Variants in HIP1 observed in about 807,000 individuals in gnomAD.
HIP1 encodes huntingtin interacting protein 1, also known as huntingtin-interacting protein 1.
HIP1 carries 65 observed loss-of-function variants against 147.6 expected under a neutral mutation model. The observed-to-expected ratio is 0.44, with a 90% CI of 0.36 to 0.54. HIP1 has a LOEUF of 0.54. Among genes scored for constraint, HIP1 ranks in the 20% least tolerant of loss-of-function variants. The pLI is 0.00. For missense variants in HIP1, 1,061 were observed against 1,299.6 expected, an observed-to-expected ratio of 0.82 and a Z score of 2.82; for synonymous variants, 479 against 504.0, an observed-to-expected ratio of 0.95 and a Z score of 0.67.
intron 1 of HIP1, among the ~76,000 whole-genome samples, chr7:75,641,686 G>C (rs1442366240): frequency 1.3e-5 from 2 of 150,772 alleles, no homozygotes; most frequent in African/African-American, 4.9e-5. Context: ...TAGTAGAGAC[G>C]GGGTTTCTCC....
At position 75,670,402 on chromosome 7, in the gene HIP1, G is replaced by T. The variant is rs573146090; in HGVS notation, c.120+68399C>A. Among the ~76,000 whole-genome samples, 315 of 150,218 alleles carry T rather than the reference G, an allele frequency of 2.1e-3. 1 individual carries two copies. The highest frequency in any genetic ancestry group is 7.2e-3 in the African/African-American group (295 of 40,838). Reference sequence around the variant, plus strand: ...AAACTCCTGAGCTCATGCTATATCTGCCTGCCTCAGCCTCATAAAGTGCTG... The same window carrying T: ...AAACTCCTGAGCTCATGCTATATCTTCCTGCCTCAGCCTCATAAAGTGCTG... On this transcript the variant is annotated intron_variant, in intron 1 of 30. Coordinates refer to ENST00000336926, the MANE Select transcript of HIP1 (RefSeq NM_005338.7).
intron 1 of HIP1, among the ~76,000 whole-genome samples, chr7:75,688,810 G>A (rs1359512725): frequency 5.9e-5 from 9 of 152,140 alleles, no homozygotes; most frequent in Non-Finnish European, 8.8e-5. Flanking sequence ...CCGTGGCCCC[G>A]GCGTGTCCCT....
At chr7:75,577,926 G>C (rs2116908624) in intron 7 of HIP1, among the ~76,000 whole-genome samples, 1 of 152,268 alleles carries the variant, frequency 6.6e-6, no homozygotes, top group African/African-American at 2.4e-5. Context: ...CTTGAGCCTG[G>C]GAGGCGGAGG....
chr7:75,666,628 T>C (rs11773359), intron 1 of HIP1, among the ~76,000 whole-genome samples: 1 of 152,104 alleles, frequency 6.6e-6, no homozygotes, highest in Admixed American at 6.6e-5. Context: ...GGACCCAAGG[T>C]TAGATAGAGC....
chr7:75,729,112 A>G (rs1340893170), intron 1 of HIP1, among the ~76,000 whole-genome samples: 26 of 151,250 alleles, frequency 1.7e-4, no homozygotes, highest in Non-Finnish European at 3.4e-4. Flanking sequence ...AACAGAAGAA[A>G]AAAAAAAACC....
At chr7:75,653,336 T>C (rs1799050944) in intron 1 of HIP1, among the ~76,000 whole-genome samples, 1 of 152,110 alleles carries the variant, frequency 6.6e-6, no homozygotes, top group Non-Finnish European at 1.5e-5. Context: ...TTACTCTCTG[T>C]GGACCTCAGT....
intron 1 of HIP1, among the ~76,000 whole-genome samples, chr7:75,727,162 G>A (rs1375528159): frequency 2.0e-5 from 3 of 152,128 alleles, no homozygotes; most frequent in East Asian, 1.9e-4. Flanking sequence ...CCAGGCTGGA[G>A]TGTAGTGGTG....
At chr7:75,627,639 G>A (rs1208921483) in intron 1 of HIP1, among the ~76,000 whole-genome samples, 1 of 152,146 alleles carries the variant, frequency 6.6e-6, no homozygotes, top group Non-Finnish European at 1.5e-5. Context: ...TGTTTATTGT[G>A]GGTAGCATCA....
chr7:75,549,113 T>C, intron 22 of HIP1, 112 bp from the exon 23 acceptor site: 6 of 726,704 alleles, frequency 8.3e-6, no homozygotes, highest in Non-Finnish European at 1.5e-5. Context: ...GCAAACACCT[T>C]CTGCAAGCCA....
At chr7:75,711,675 G>C (rs1363015158) in intron 1 of HIP1, among the ~76,000 whole-genome samples, 2 of 152,218 alleles carry the variant, frequency 1.3e-5, no homozygotes, top group Non-Finnish European at 2.9e-5. Context: ...GGAGAGGATA[G>C]AGGGGAAGCC....
chr7:75,691,244 T>A (rs1258223453), intron 1 of HIP1, among the ~76,000 whole-genome samples: 2 of 151,198 alleles, frequency 1.3e-5, no homozygotes, highest in African/African-American at 4.9e-5. Flanking sequence ...ATCCCAGCAC[T>A]CTGGGAGGCC....
chr7:75,559,434 T>C (rs782156413), intron 14 of HIP1, among the ~76,000 whole-genome samples: 1 of 152,162 alleles, frequency 6.6e-6, no homozygotes, highest in Non-Finnish European at 1.5e-5. Context: ...TCAATTTCTT[T>C]GTTAGGACCT....
In HIP1 at chr7:75,562,992, G is replaced by C; in HGVS notation, c.963C>G (p.Pro321=). ...VVVIPAEASS[P]DSEPVLEKDD... is the part of the protein sequence containing the mutation. The stretch of plus-strand genomic sequence containing the variant: ...CCTTCTCTAGGACTGGCTCGCTGTC[G>C]GGGGATGAGGCCTCTGCAGGGATCA... The change falls in exon 11 of 31, where the codon CCC becomes CCG. Residue 321 remains proline (P), a synonymous_variant. Transcript: ENST00000336926. 1 of 1,614,154 alleles carries C rather than the reference G, an allele frequency of 6.2e-7. No individual in the cohort carries two copies.
intron 1 of HIP1, among the ~76,000 whole-genome samples, chr7:75,657,895 TAC>T (rs140409882): frequency 8.6e-5 from 13 of 151,514 alleles, no homozygotes; most frequent in Admixed American, 5.3e-4. Context: ...AGAATTTAAA[TAC>T]ACACACACAC....
chr7:75,587,572 A>T (rs1244143154), intron 4 of HIP1, among the ~76,000 whole-genome samples: 2 of 152,216 alleles, frequency 1.3e-5, no homozygotes, highest in African/African-American at 4.8e-5. Flanking sequence ...AATTTTTGCT[A>T]TCATAAACCA....
chr7:75,716,368 G>A (rs1801318892), intron 1 of HIP1, among the ~76,000 whole-genome samples: 1 of 149,010 alleles, frequency 6.7e-6, no homozygotes, highest in Non-Finnish European at 1.5e-5. Flanking sequence ...GCTGGGATTA[G>A]CACACCACCA....
intron 1 of HIP1, among the ~76,000 whole-genome samples, chr7:75,704,370 G>C (rs879959097): frequency 7.2e-5 from 11 of 151,850 alleles, no homozygotes; most frequent in Non-Finnish European, 1.2e-4. Context: ...TCAGCCTCCC[G>C]AGTAGCTGGG....
chr7:75,609,385 G>C lies in HIP1; in HGVS notation c.121-10138C>G, dbSNP rs184523766. ...GGGGCCAGGGAATGTCAGATACTGA[G>C]GGGTTTCCAGGGCAGAAGTTCCCTG... On this transcript the variant is annotated intron_variant, in intron 1 of 30. Transcript: ENST00000336926. 4.4e-3 allele frequency among the ~76,000 whole-genome samples: 670 copies of C among 152,214 alleles called. 2 individuals are homozygous for C. Among genetic ancestry groups the C allele is most frequent in the Middle Eastern group, 6.8e-3 (2 of 294 alleles).
At chr7:75,678,879 C>A (rs559261808) in intron 1 of HIP1, among the ~76,000 whole-genome samples, 1 of 152,178 alleles carries the variant, frequency 6.6e-6, no homozygotes, top group Admixed American at 6.5e-5. Flanking sequence ...ATCTACCTAA[C>A]CTTAAGAAGT....
Sources: gnomAD v4.1 joint callset for allele counts (sites outside exome capture counted in the v4.1 genomes callset) on GRCh38, gnomAD v4.1.1 for gene constraint, MANE v1.5 for transcripts, NCBI Gene and HGNC (gene_info 2026-07-23, HGNC 2026-07-21) for gene names.